The following DOCK5 variants were observed in gnomAD, a reference collection of about 807,000 sequenced individuals.
DOCK5 encodes the protein dedicator of cytokinesis protein 5.
Under a neutral mutation model 251.8 loss-of-function variants are expected in DOCK5, and 142 were observed. The ratio of observed to expected loss-of-function variants is 0.56; its 90% CI spans 0.49 to 0.65. The LOEUF (loss-of-function observed/expected upper bound fraction) is 0.65. Ranked by LOEUF, DOCK5 falls within the 30% of genes least tolerant of loss-of-function variation. The pLI is 0.00. For missense variants in DOCK5, 2,111 were observed against 2,312.3 expected, an observed-to-expected ratio of 0.91 and a Z score of 1.79; for synonymous variants, 842 against 835.5, an observed-to-expected ratio of 1.01 and a Z score of -0.13.
At chr8:25,330,036 G>T (rs1054619513) in intron 18 of DOCK5, among the ~76,000 whole-genome samples, 1 of 152,188 alleles carries the variant, frequency 6.6e-6, no homozygotes, top group Admixed American at 6.5e-5. Context: ...TGGGCTGATA[G>T]ATGGGTACTT....
chr8:25,225,310 G>T (rs1362762242), intron 1 of DOCK5, among the ~76,000 whole-genome samples: 5 of 152,192 alleles, frequency 3.3e-5, no homozygotes. Flanking sequence ...GTTCATAGCA[G>T]CACCATTCAC....
chr8:25,224,533 A>T (rs1331545614), intron 1 of DOCK5, among the ~76,000 whole-genome samples: 1 of 152,254 alleles, frequency 6.6e-6, no homozygotes, highest in African/African-American at 2.4e-5. Context: ...TGTCACTCTG[A>T]ATCTTACTAA....
chr8:25,259,694 C>T (rs765814246), intron 2 of DOCK5, among the ~76,000 whole-genome samples: 5 of 152,148 alleles, frequency 3.3e-5, no homozygotes, highest in Non-Finnish European at 7.3e-5. Flanking sequence ...CTCCTGTCCT[C>T]AAGCGATCCT....
Position 25,308,817 on chromosome 8 carries a change from C to G in DOCK5, c.1084C>G (p.Leu362Val). The change falls in exon 12 of 52, where the codon CTC becomes GTC. Residue 362 changes from leucine to valine, a missense_variant. Coordinates refer to ENST00000276440, the MANE Select transcript of DOCK5 (RefSeq NM_024940.8). ...AMETYIRQRQ[L>V]IMSPLITSHV... ...GGAAACCTACATCCGCCAGAGGCAG[C>G]TCATCATGTCGCCTTTGATAACATC... The G allele has an allele frequency of 6.2e-7, 1 of 1,613,946 alleles. No individual in the cohort carries two copies. Among genetic ancestry groups the G allele is most frequent in the Non-Finnish European group, 8.5e-7 (1 of 1,179,848 alleles).
At chr8:25,220,373 TG>T (rs1802352953) in intron 1 of DOCK5, among the ~76,000 whole-genome samples, 1 of 152,310 alleles carries the variant, frequency 6.6e-6, no homozygotes, top group East Asian at 1.9e-4. Context: ...CTGCCTTTTT[TG>T]TTCTCTTTCT....
At chr8:25,302,647 A>G (rs78895232) in intron 10 of DOCK5, among the ~76,000 whole-genome samples, 193 bp downstream of exon 10, 504 of 152,300 alleles carry the variant, frequency 3.3e-3, no homozygotes, top group African/African-American at 0.011. Context: ...TAGGCAAAAG[A>G]TGGAAGTAAC....
intron 29 of DOCK5, among the ~76,000 whole-genome samples, chr8:25,363,502 A>T (rs1022591138): frequency 6.6e-6 from 1 of 152,220 alleles, no homozygotes; most frequent in Non-Finnish European, 1.5e-5. Context: ...GATGTATTTA[A>T]CCAGATTCTT....
At chr8:25,290,685 C>T (rs1372587056) in intron 5 of DOCK5, among the ~76,000 whole-genome samples, 4 of 152,062 alleles carry the variant, frequency 2.6e-5, no homozygotes, top group Admixed American at 2.0e-4. Flanking sequence ...AGTACATTTG[C>T]TAGAGTGCCT....
intron 22 of DOCK5, 54 bp from the exon 23 acceptor site, chr8:25,340,823 A>T (rs1452432958): frequency 3.4e-6 from 5 of 1,452,460 alleles, no homozygotes; most frequent in Non-Finnish European, 4.8e-6. Context: ...AATCTATTTT[A>T]AAATTTCTTT....
chr8:25,214,145 G>A (rs141381891), intron 1 of DOCK5, among the ~76,000 whole-genome samples: 4 of 152,244 alleles, frequency 2.6e-5, no homozygotes, highest in South Asian at 2.1e-4. Flanking sequence ...TCATGGCAAC[G>A]CTCTAACAGT....
Position 25,184,888 on chromosome 8 carries a change from C to T in DOCK5, c.-21C>T, listed in dbSNP as rs1470613227. The T allele has an allele frequency of 8.7e-6, 12 of 1,383,818 alleles. No homozygotes were observed. The highest frequency in any genetic ancestry group is 2.3e-4 in the Middle Eastern group (1 of 4,326). 85.7% of individuals were successfully genotyped at this position (1,383,818 alleles called of 1,614,324 possible). On this transcript the variant is annotated 5_prime_UTR_variant, in exon 1 of 52. Transcript: ENST00000276440. ...GCTGTAGCAGCCTTAGTCGCCGCCGCCGCGGGGCGAGGTCGCCGCCATGGC... is the reference window on the plus strand; with the variant it reads ...GCTGTAGCAGCCTTAGTCGCCGCCGTCGCGGGGCGAGGTCGCCGCCATGGC...
intron 26 of DOCK5, among the ~76,000 whole-genome samples, chr8:25,346,877 C>T (rs1445490624): frequency 4.0e-5 from 6 of 151,752 alleles, no homozygotes; most frequent in Non-Finnish European, 8.8e-5. Flanking sequence ...TCACCATGTC[C>T]TAGAAATAGT....
At chr8:25,331,264 C>T (rs1421315322) in intron 18 of DOCK5, among the ~76,000 whole-genome samples, 1 of 151,524 alleles carries the variant, frequency 6.6e-6, no homozygotes, top group East Asian at 1.9e-4. Context: ...CACACACACA[C>T]ACACACATAT....
chr8:25,226,447 A>G (rs1802534164), intron 1 of DOCK5, among the ~76,000 whole-genome samples: 1 of 151,552 alleles, frequency 6.6e-6, no homozygotes, highest in South Asian at 2.1e-4. Context: ...TATTTTTATT[A>G]GAGACGGGGT....
intron 10 of DOCK5, among the ~76,000 whole-genome samples, chr8:25,303,676 C>T (rs1052457819): frequency 1.3e-5 from 2 of 152,112 alleles, no homozygotes; most frequent in Non-Finnish European, 2.9e-5. Flanking sequence ...AATTTAGCAA[C>T]TCGGGCGGGG....
chr8:25,226,354 C>T (rs1802532022), intron 1 of DOCK5, among the ~76,000 whole-genome samples: 1 of 150,156 alleles, frequency 6.7e-6, no homozygotes, highest in Non-Finnish European at 1.5e-5. Context: ...CCTCCATCTC[C>T]CAGGTTCAAG....
intron 34 of DOCK5, among the ~76,000 whole-genome samples, chr8:25,371,963 G>T (rs181176172): frequency 2.1e-4 from 32 of 152,320 alleles, no homozygotes; most frequent in Admixed American, 1.6e-3. Flanking sequence ...ACAGGATTTA[G>T]ACTGAAAGTT....
At chr8:25,361,826 C>G (rs963256059) in intron 28 of DOCK5, among the ~76,000 whole-genome samples, 3 of 152,136 alleles carry the variant, frequency 2.0e-5, no homozygotes, top group Non-Finnish European at 4.4e-5. Flanking sequence ...CCAGCTTGAC[C>G]AGCATCTCAG....
At chr8:25,396,736 G>A (rs1385585051) in intron 45 of DOCK5, among the ~76,000 whole-genome samples, 1 of 151,096 alleles carries the variant, frequency 6.6e-6, no homozygotes, top group Non-Finnish European at 1.5e-5. Context: ...AGGGTGAGCA[G>A]CATTAATTGG....
Sources: gnomAD v4.1 joint callset for allele counts (sites outside exome capture counted in the v4.1 genomes callset) on GRCh38, gnomAD v4.1.1 for gene constraint, MANE v1.5 for transcripts, NCBI Gene and HGNC (gene_info 2026-07-23, HGNC 2026-07-21) for gene names.